The following SLMAP variants were observed in gnomAD, a reference collection of about 807,000 sequenced individuals.
SLMAP encodes the protein sarcolemma associated protein.
SLMAP carries 44 observed loss-of-function variants against 128.8 expected under a neutral mutation model. The ratio of observed to expected loss-of-function variants is 0.34; its 90% CI spans 0.27 to 0.44. The LOEUF (loss-of-function observed/expected upper bound fraction) is 0.44, where lower values mean the gene tolerates loss of function less well. SLMAP is among the 20% of genes least tolerant of loss of function. SLMAP has a pLI of 1.00. For missense variants in SLMAP, 787 were observed against 985.3 expected, an observed-to-expected ratio of 0.80 and a Z score of 2.69; for synonymous variants, 327 against 348.8, an observed-to-expected ratio of 0.94 and a Z score of 0.70.
chr3:57,777,937 TG>T (rs560496284), intron 2 of SLMAP, among the ~76,000 whole-genome samples: 93 of 152,374 alleles, frequency 6.1e-4, no homozygotes, highest in African/African-American at 2.1e-3. Context: ...GATTGATTTT[TG>T]AATGTTAAGC....
At chr3:57,863,656 T>C (rs1333591285) in intron 10 of SLMAP, among the ~76,000 whole-genome samples, 2 of 152,088 alleles carry the variant, frequency 1.3e-5, no homozygotes. Context: ...TTCATAGGAC[T>C]AATAGAGTGA....
rs191993496 is a variant in SLMAP, at chr3:57,919,577, C to A, written c.2310+2500C>A. Among the ~76,000 whole-genome samples, 220 of 152,028 alleles carry A rather than the reference C, an allele frequency of 1.4e-3. 1 individual carries two copies. Among genetic ancestry groups the A allele is most frequent in the African/African-American group, 4.7e-3 (193 of 41,454 alleles). ...TGGGAGGCCGAGGTGAGCAGATCAC[C>A]TGAGGTCGGCAGTTCGAGACCAGCC... On this transcript the variant is annotated intron_variant, in intron 22 of 24. Transcript: ENST00000671191.
At chr3:57,818,155 T>C (rs532559556) in intron 2 of SLMAP, among the ~76,000 whole-genome samples, 8 of 146,218 alleles carry the variant, frequency 5.5e-5, no homozygotes, top group Non-Finnish European at 1.2e-4. Flanking sequence ...TTTTTTGTTT[T>C]GTTTTGTTTT....
chr3:57,801,682 A>T (rs1385966123), intron 2 of SLMAP, among the ~76,000 whole-genome samples: 1 of 150,850 alleles, frequency 6.6e-6, no homozygotes, highest in Non-Finnish European at 1.5e-5. Flanking sequence ...TGCTTTGCTC[A>T]GTATCTTAAT....
chr3:57,907,318 C>T lies in SLMAP; in HGVS notation c.1502-566C>T, dbSNP rs560322406. 4.6e-5 allele frequency among the ~76,000 whole-genome samples: 7 copies of T among 152,330 alleles called. No individual in the cohort carries two copies. In the South Asian group the frequency reaches 6.2e-4, roughly 14 times the overall value. ...CTGGGATTACAGGCATGAGCCACCACGCCCAGCTCAGATATTTGTTATATG... is the reference window on the plus strand; with the variant it reads ...CTGGGATTACAGGCATGAGCCACCATGCCCAGCTCAGATATTTGTTATATG... On this transcript the variant is annotated intron_variant, in intron 17 of 24. Transcript: ENST00000671191.
In SLMAP at chr3:57,872,064, G is replaced by A. The variant is rs572582972; in HGVS notation, c.1300+366G>A. ...CTCAGAGTAGCAGGAGCTTTTTAGA[G>A]AGGTAGTAGCAGTAGATTGTCCTAC... On this transcript the variant is annotated intron_variant, in intron 14 of 24. Transcript: ENST00000671191. Among the ~76,000 whole-genome samples, 5 of 152,308 alleles carry A rather than the reference G, an allele frequency of 3.3e-5. No homozygotes were observed. In the South Asian group the frequency reaches 1.0e-3, roughly 32 times the overall value.
At chr3:57,808,567 A>G (rs2090349915) in intron 2 of SLMAP, among the ~76,000 whole-genome samples, 1 of 152,192 alleles carries the variant, frequency 6.6e-6, no homozygotes, top group Non-Finnish European at 1.5e-5. Context: ...TGTGGTTTTT[A>G]GTGAGTTTCT....
At chr3:57,772,635 C>CT (rs1267795659) in intron 2 of SLMAP, among the ~76,000 whole-genome samples, 1 of 151,466 alleles carries the variant, frequency 6.6e-6, no homozygotes, top group Non-Finnish European at 1.5e-5. Flanking sequence ...CATCATGTTT[C>CT]TTTTTTTTAA....
chr3:57,873,688 T>C (rs535441995), intron 14 of SLMAP, among the ~76,000 whole-genome samples: 1 of 152,198 alleles, frequency 6.6e-6, no homozygotes, highest in South Asian at 2.1e-4. Flanking sequence ...AAAATGCAAA[T>C]CTTTAGGCCA....
intron 20 of SLMAP, among the ~76,000 whole-genome samples, chr3:57,912,933 TA>T (rs2096731339): frequency 6.6e-6 from 1 of 152,198 alleles, no homozygotes; most frequent in Non-Finnish European, 1.5e-5. Context: ...TTGCTTGTCT[TA>T]TAAAAGTGAA....
At chr3:57,925,776 G>A in intron 23 of SLMAP, 69 bp from the exon 24 acceptor site, 1 of 1,055,124 alleles carries the variant, frequency 9.5e-7, no homozygotes, top group Non-Finnish European at 1.4e-6. Context: ...CACCCTACTG[G>A]GGTCTGAATC....
chr3:57,928,547 T>C lies in SLMAP; in HGVS notation c.*1258T>C, dbSNP rs1281956335. 1 of 152,138 alleles carries C rather than the reference T, an allele frequency of 6.6e-6. No individual in the cohort carries two copies. Among genetic ancestry groups the C allele is most frequent in the African/African-American group, 2.4e-5 (1 of 41,412 alleles). The allele number at this position is 152,138 out of a possible 1,614,324, so 9.4% of individuals were successfully genotyped here. A position where few individuals can be genotyped will look rare whatever the true frequency, so the allele number is the denominator to read the frequency against. On this transcript the variant is annotated 3_prime_UTR_variant, in exon 25 of 25. Transcript: ENST00000671191. ...AAGCACCTAAAAACACTGCTTGATA[T>C]TATAAATTTAAAACACAAGTGAAAG...
intron 2 of SLMAP, among the ~76,000 whole-genome samples, chr3:57,759,310 T>C (rs2078166688): frequency 6.6e-6 from 1 of 151,466 alleles, no homozygotes; most frequent in African/African-American, 2.4e-5. Context: ...AGATTTTTGC[T>C]CCTGTCACCC....
chr3:57,809,006 G>A lies in SLMAP; in HGVS notation c.199-22377G>A, dbSNP rs1055843475. Among the ~76,000 whole-genome samples the A allele has an allele frequency of 4.6e-5, 7 of 152,218 alleles. No individual in the cohort carries two copies. The South Asian group carries it at 8.3e-4, about 18-fold the overall frequency. ...GTTGAATTGATCCCTCTACCATTAC[G>A]TAATGCCCTTCTTTGTCATGACTAT... On this transcript the variant is annotated intron_variant, in intron 2 of 24. Coordinates refer to ENST00000671191, the MANE Select transcript of SLMAP (RefSeq NM_001377540.1).
intron 19 of SLMAP, among the ~76,000 whole-genome samples, chr3:57,911,765 G>T (rs968592486): frequency 1.3e-5 from 2 of 151,992 alleles, no homozygotes; most frequent in African/African-American, 2.4e-5. Flanking sequence ...AGAGTAAAGA[G>T]CCAGAGAATG....
chr3:57,869,640 A>ATATATATAT (rs2095427476), intron 13 of SLMAP, among the ~76,000 whole-genome samples: 4 of 127,214 alleles, frequency 3.1e-5, no homozygotes, highest in South Asian at 4.7e-4. Context: ...TTATATATAT[A>ATATATATAT]TATATATATA....
rs1239780849 is a variant in SLMAP at position 57,913,216 on chromosome 3, A to G, written c.2079A>G (p.Leu693=). Residue 693 remains leucine, a synonymous_variant, in exon 21 of 25, where the codon CTA becomes CTG. Coordinates refer to ENST00000671191, the MANE Select transcript of SLMAP (RefSeq NM_001377540.1). ...CATTGGAAACCGAATGCCATTCTCT[A>G]AAAAGGGAAAATGTTTTGCTATCAT... ...WNALETECHS[L]KRENVLLSSE... The G allele has an allele frequency of 5.0e-6, 8 of 1,600,720 alleles. No individual in the cohort carries two copies. The highest frequency in any genetic ancestry group is 3.3e-5 in the Admixed American group (2 of 59,868).
chr3:57,819,189 G>T (rs940220659), intron 2 of SLMAP, among the ~76,000 whole-genome samples: 3 of 152,096 alleles, frequency 2.0e-5, no homozygotes, highest in Non-Finnish European at 2.9e-5. Flanking sequence ...ACTTACCTGT[G>T]GATGTCTAAA....
At position 57,858,174 on chromosome 3, in the gene SLMAP, C is replaced by T; in HGVS notation, c.687+15C>T. 6.9e-7 allele frequency: 1 copy of T among 1,457,136 alleles called. No homozygotes were observed. The highest frequency in any genetic ancestry group is 1.1e-5 in the South Asian group (1 of 87,108). The allele number at this position is 1,457,136 out of a possible 1,614,324, so 90.3% of individuals were successfully genotyped here. On this transcript the variant is annotated intron_variant, in intron 8 of 24. Transcript: ENST00000671191. ...CATGCTCCAAAGTAGGTATTAACCT[C>T]AAATGTGTAAAATGAAATGCATAGT...
Sources: gnomAD v4.1 joint callset for allele counts (sites outside exome capture counted in the v4.1 genomes callset) on GRCh38, gnomAD v4.1.1 for gene constraint, MANE v1.5 for transcripts, NCBI Gene and HGNC (gene_info 2026-07-23, HGNC 2026-07-21) for gene names.